The following RIN2 variants were observed in gnomAD, a reference collection of about 807,000 sequenced individuals.
RIN2 encodes the protein Ras and Rab interactor 2.
A neutral mutation model predicts 78.0 loss-of-function variants in RIN2; 36 were observed. The ratio of observed to expected loss-of-function variants is 0.46; its 90% CI spans 0.35 to 0.61. RIN2 has a LOEUF of 0.61. RIN2 is among the 20% of genes least tolerant of loss of function. RIN2 has a pLI of 0.00. For missense variants in RIN2, 1,087 were observed against 1,159.7 expected (o/e 0.94, Z 0.91); for synonymous variants, 466 against 466.8 (o/e 1.00, Z 0.02).
intron 3 of RIN2, chr20:19,934,608 T>C: frequency 1.0e-6 from 1 of 981,776 alleles, no homozygotes; most frequent in Non-Finnish European, 1.2e-6. Flanking sequence ...TTTGATGTCG[T>C]CAGAAATCAA....
At chr20:19,838,210 T>C (rs2036477454) in intron 2 of RIN2, among the ~76,000 whole-genome samples, 1 of 152,210 alleles carries the variant, frequency 6.6e-6, no homozygotes, top group South Asian at 2.1e-4. Context: ...AGATCAGTCA[T>C]ACTACATTGC....
chr20:19,921,871 T>C (rs1424946114), intron 3 of RIN2, among the ~76,000 whole-genome samples: 1 of 146,108 alleles, frequency 6.8e-6, no homozygotes, highest in Non-Finnish European at 1.6e-5. Context: ...TTTGTTTGTT[T>C]GTTTGTTTGT....
intron 1 of RIN2, among the ~76,000 whole-genome samples, chr20:19,761,583 C>T (rs1289387671): frequency 6.6e-6 from 1 of 152,112 alleles, no homozygotes; most frequent in East Asian, 1.9e-4. Context: ...GTTTAGTTCT[C>T]CCAAAATCTT....
intron 2 of RIN2, among the ~76,000 whole-genome samples, chr20:19,864,799 C>T (rs66709482): frequency 0.27 from 41,060 of 151,958 alleles, 6,888 homozygotes; most frequent in African/African-American, 0.49. Context: ...CTCAAAGGGC[C>T]GTCAAACCAT....
At position 19,971,218 on chromosome 20, in the gene RIN2, C is replaced by T. The variant is rs2273103; in HGVS notation, c.628+289C>T. ...TTTTTGAGGGGCACACGGGCATTGA[C>T]GGCACTTCTGTGCTTTGAGGAATTT... On this transcript the variant is annotated intron_variant, in intron 8 of 12. Transcript: ENST00000255006. Among the ~76,000 whole-genome samples the T allele has an allele frequency of 0.15, 23,094 of 151,360 alleles. 1,812 individuals carry two copies. Among genetic ancestry groups the T allele is most frequent in the East Asian group, 0.27 (1,397 of 5,130 alleles).
rs1555805211 is a variant in RIN2 at position 19,974,875 on chromosome 20, C to A, written c.850C>A (p.Leu284Ile). 1 of 1,614,042 alleles carries A rather than the reference C, an allele frequency of 6.2e-7. No individual in the cohort carries two copies. The highest frequency in any genetic ancestry group is 1.1e-5 in the South Asian group (1 of 91,080). ...PLFLKVHSQD[L>I]SGGLKRPSTR... ...TTTCTTGAAAGTGCACAGCCAGGAC[C>A]TCAGTGGAGGCCTGAAACGGCCGAG... is the stretch of plus-strand genomic sequence containing the variant. The change falls in exon 9 of 13, where the codon CTC becomes ATC. Residue 284 changes from leucine to isoleucine, a missense_variant. Leu to Ile is a conservative substitution (Grantham distance 5). Transcript: ENST00000255006.
chr20:19,866,879 C>T (rs2037526158), intron 2 of RIN2, among the ~76,000 whole-genome samples: 1 of 152,192 alleles, frequency 6.6e-6, no homozygotes, highest in Non-Finnish European at 1.5e-5. Context: ...CCCGCCTTGG[C>T]CTCCCAAAGT....
rs2033816870 is a variant in RIN2 at position 19,764,929 on chromosome 20, T to TTTTTTTTTTG, written c.-163+6611_-163+6612insGTTTTTTTTT. On this transcript the variant is annotated intron_variant, in intron 1 of 12. Transcript: ENST00000255006. Reference sequence around the variant, plus strand: ...ACTTCACTTTCTGCGTTTTTTTTTTTTTTTTTTTTTTTTTGACAGAGTCTT... The same window carrying TTTTTTTTTTG: ...ACTTCACTTTCTGCGTTTTTTTTTTTTTTTTTTTTGTTTTTTTTTTTTTTGACAGAGTCTT... 2.3e-5 allele frequency among the ~76,000 whole-genome samples: 3 copies of TTTTTTTTTTG among 131,382 alleles called. 1 individual carries two copies. The highest frequency in any genetic ancestry group is 2.3e-4 in the East Asian group (1 of 4,300). 86.2% of individuals were successfully genotyped at this position (131,382 alleles called of 152,430 possible).
At chr20:19,778,463 G>A (rs2034388656) in intron 1 of RIN2, among the ~76,000 whole-genome samples, 1 of 152,188 alleles carries the variant, frequency 6.6e-6, no homozygotes, top group Non-Finnish European at 1.5e-5. Flanking sequence ...TTTGTGGGGT[G>A]AATGCCTTGA....
At chr20:19,767,683 TG>T (rs201199536) in intron 1 of RIN2, among the ~76,000 whole-genome samples, 5,085 of 151,902 alleles carry the variant, frequency 0.033, 186 homozygotes, top group African/African-American at 0.09. Flanking sequence ...CAGGACTTTG[TG>T]GGGGCTAAGG....
At chr20:19,780,491 A>T (rs998861918) in intron 1 of RIN2, among the ~76,000 whole-genome samples, 2 of 152,030 alleles carry the variant, frequency 1.3e-5, no homozygotes, top group South Asian at 4.2e-4. Context: ...TGAGATCTGG[A>T]TGTAATGAGC....
At chr20:19,904,240 A>AAAT (rs1555787883) in intron 3 of RIN2, among the ~76,000 whole-genome samples, 25 of 91,706 alleles carry the variant, frequency 2.7e-4, no homozygotes, top group South Asian at 1.9e-3. Context: ...TCAAAAAAAA[A>AAAT]ATATATATAT....
intron 1 of RIN2, among the ~76,000 whole-genome samples, chr20:19,771,276 G>C (rs2034110109): frequency 6.6e-6 from 1 of 152,172 alleles, no homozygotes; most frequent in South Asian, 2.1e-4. Flanking sequence ...CTGTAACCAG[G>C]GACTGCCAGC....
intron 9 of RIN2, among the ~76,000 whole-genome samples, chr20:19,977,109 C>T (rs1016961353): frequency 2.0e-5 from 3 of 152,118 alleles, no homozygotes; most frequent in South Asian, 2.1e-4. Flanking sequence ...ACCAGAGACC[C>T]GCTCTCAAGG....
At chr20:19,800,653 C>T (rs1220845208) in intron 2 of RIN2, among the ~76,000 whole-genome samples, 2 of 152,198 alleles carry the variant, frequency 1.3e-5, no homozygotes, top group African/African-American at 2.4e-5. Flanking sequence ...CTGGCTCCAG[C>T]CCCCAGCCTT....
intron 2 of RIN2, among the ~76,000 whole-genome samples, chr20:19,846,990 G>T (rs1336320178): frequency 1.3e-5 from 2 of 152,174 alleles, no homozygotes; most frequent in African/African-American, 4.8e-5. Flanking sequence ...CAGAAATCCA[G>T]ATTTGTAAGT....
intron 2 of RIN2, among the ~76,000 whole-genome samples, chr20:19,833,242 A>G (rs1393820790): frequency 6.6e-6 from 1 of 152,140 alleles, no homozygotes; most frequent in Non-Finnish European, 1.5e-5. Flanking sequence ...AAACAAAATC[A>G]TAATAAAACC....
At chr20:19,889,360 G>T (rs2038337311) in intron 2 of RIN2, 1 of 1,242,084 alleles carries the variant, frequency 8.1e-7, no homozygotes, top group South Asian at 2.7e-5. Flanking sequence ...TGGGAGGTGG[G>T]CTGGCGAGGT....
chr20:19,758,497 G>A (rs2033476688), intron 1 of RIN2, among the ~76,000 whole-genome samples, 170 bp downstream of exon 1: 1 of 152,166 alleles, frequency 6.6e-6, no homozygotes, highest in Non-Finnish European at 1.5e-5. Context: ...GCGCGTCCTC[G>A]GGGATCGTGG....
Sources: allele counts gnomAD v4.1 joint callset (sites outside exome capture counted in the v4.1 genomes callset), GRCh38; gene constraint gnomAD v4.1.1; transcripts MANE v1.5; gene names NCBI Gene and HGNC (gene_info 2026-07-23, HGNC 2026-07-21).